The following ZNF385D variants were observed in gnomAD, a reference collection of about 807,000 sequenced individuals.
ZNF385D encodes the protein zinc finger protein 659.
Under a neutral mutation model 35.8 loss-of-function variants are expected in ZNF385D, and 15 were observed. That is an observed-to-expected ratio of 0.42 (90% CI 0.28 to 0.64). The LOEUF is 0.64. Among genes scored for constraint, ZNF385D ranks in the 30% least tolerant of loss-of-function variants. The pLI, the probability that ZNF385D is intolerant of heterozygous loss-of-function variation, is 0.23. For synonymous variants in ZNF385D, 212 were observed against 186.8 expected (o/e 1.13, Z -1.10); for missense variants, 474 against 494.6 (o/e 0.96, Z 0.39).
At chr3:22,038,532 C>A (rs982737818) in intron 3 of ZNF385D, among the ~76,000 whole-genome samples, 6 of 151,914 alleles carry the variant, frequency 3.9e-5, no homozygotes, top group African/African-American at 1.2e-4. Flanking sequence ...TTGTTGTCAT[C>A]ATTATCATTA....
At chr3:22,135,785 C>A (rs1338495467) in intron 3 of ZNF385D, among the ~76,000 whole-genome samples, 1 of 152,166 alleles carries the variant, frequency 6.6e-6, no homozygotes, top group East Asian at 1.9e-4. Context: ...AGTATAGACA[C>A]AGACCAATAT....
intron 3 of ZNF385D, among the ~76,000 whole-genome samples, chr3:21,859,559 T>C (rs558300605): frequency 5.3e-5 from 8 of 152,076 alleles, no homozygotes; most frequent in East Asian, 1.9e-4. Context: ...GAAAACAGCA[T>C]GTCTCATGCC....
intron 1 of ZNF385D, among the ~76,000 whole-genome samples, chr3:21,694,406 C>T (rs557036028): frequency 1.1e-4 from 16 of 152,184 alleles, no homozygotes; most frequent in African/African-American, 3.9e-4. Context: ...TTCTGGTACA[C>T]ACTCAAAAAG....
chr3:22,156,295 C>T (rs562108592), intron 3 of ZNF385D, among the ~76,000 whole-genome samples: 10 of 152,112 alleles, frequency 6.6e-5, no homozygotes, highest in Admixed American at 3.3e-4. Flanking sequence ...TATACATACT[C>T]GGACACTCTT....
At chr3:22,221,507 C>G (rs1576518559) in intron 2 of ZNF385D, among the ~76,000 whole-genome samples, 1 of 152,048 alleles carries the variant, frequency 6.6e-6, no homozygotes, top group South Asian at 2.1e-4. Flanking sequence ...GACTGAAAAT[C>G]TTCACTAATT....
chr3:21,889,237 T>C (rs1370367012), intron 3 of ZNF385D, among the ~76,000 whole-genome samples: 1 of 152,112 alleles, frequency 6.6e-6, no homozygotes, highest in East Asian at 1.9e-4. Context: ...TTCTCATGGA[T>C]CAGATGGAAC....
chr3:22,326,491 CA>C (rs1159508308), intron 2 of ZNF385D, among the ~76,000 whole-genome samples: 1 of 152,080 alleles, frequency 6.6e-6, no homozygotes, highest in African/African-American at 2.4e-5. Context: ...AAAGTGTTAT[CA>C]CTTTCAGGTA....
chr3:21,824,651 A>C (rs1234565474), intron 3 of ZNF385D, among the ~76,000 whole-genome samples: 1 of 152,186 alleles, frequency 6.6e-6, no homozygotes, highest in Non-Finnish European at 1.5e-5. Flanking sequence ...CTGATAAAGA[A>C]GGGTGATGAA....
chr3:21,954,123 A>C (rs1479957641), intron 3 of ZNF385D, among the ~76,000 whole-genome samples: 1 of 151,820 alleles, frequency 6.6e-6, no homozygotes, highest in Non-Finnish European at 1.5e-5. Flanking sequence ...GATACAACAT[A>C]TGTCCTCTAA....
chr3:22,354,902 G>C (rs550971814), intron 2 of ZNF385D, among the ~76,000 whole-genome samples: 6 of 152,082 alleles, frequency 3.9e-5, no homozygotes, highest in South Asian at 4.1e-4. Flanking sequence ...ATGCTCAATA[G>C]CCACGTGTCA....
chr3:22,023,020 C>T (rs1323113810), intron 3 of ZNF385D, among the ~76,000 whole-genome samples: 2 of 152,152 alleles, frequency 1.3e-5, no homozygotes, highest in African/African-American at 4.8e-5. Context: ...GTACACAGTT[C>T]TCTGTTCCTT....
At chr3:21,609,924 A>G (rs1051250439) in intron 2 of ZNF385D, among the ~76,000 whole-genome samples, 9 of 152,196 alleles carry the variant, frequency 5.9e-5, no homozygotes, top group African/African-American at 2.2e-4. Flanking sequence ...CTCCTTCTAT[A>G]TGTCCTTAGC....
rs144515924 is a variant in ZNF385D at position 21,979,986 on chromosome 3, A to T, written c.325+188831T>A. On this transcript the variant is annotated intron_variant, in intron 3 of 5. Coordinates refer to the ZNF385D transcript ENST00000494108. ...TCAGTGACTCATTTCAAAATATGGT[A>T]GGAGTGATGCTGCCTGACTTTCAAG... 6.4e-3 allele frequency among the ~76,000 whole-genome samples: 980 copies of T among 152,292 alleles called. 11 individuals carry two copies. Among genetic ancestry groups the T allele is most frequent in the African/African-American group, 0.022 (933 of 41,562 alleles).
At chr3:22,136,398 A>T (rs1383134842) in intron 3 of ZNF385D, among the ~76,000 whole-genome samples, 2 of 151,976 alleles carry the variant, frequency 1.3e-5, no homozygotes, top group African/African-American at 4.8e-5. Context: ...AAAAAAAAAA[A>T]AGTATCAACA....
chr3:21,468,285 C>T (rs1002155025), intron 4 of ZNF385D, among the ~76,000 whole-genome samples: 1 of 150,562 alleles, frequency 6.6e-6, no homozygotes, highest in Admixed American at 6.7e-5. Flanking sequence ...ACCTGTAGTC[C>T]CAGCTACTCG....
chr3:22,026,238 C>A (rs1297556043), intron 3 of ZNF385D, among the ~76,000 whole-genome samples: 2 of 152,176 alleles, frequency 1.3e-5, no homozygotes, highest in Non-Finnish European at 2.9e-5. Context: ...ATCATGGCCC[C>A]TCAATTTCAA....
chr3:21,503,034 C>T (rs1450978816), intron 4 of ZNF385D, among the ~76,000 whole-genome samples: 2 of 152,166 alleles, frequency 1.3e-5, no homozygotes, highest in African/African-American at 4.8e-5. Context: ...GGCATTTGTA[C>T]ACCACTGCAG....
intron 4 of ZNF385D, among the ~76,000 whole-genome samples, chr3:21,487,538 C>T (rs1016162078): frequency 1.7e-4 from 26 of 152,122 alleles, no homozygotes; most frequent in African/African-American, 6.3e-4. Flanking sequence ...CTTCCAAATG[C>T]AATCACACAC....
At chr3:22,013,612 A>G (rs1257547534) in intron 3 of ZNF385D, among the ~76,000 whole-genome samples, 1 of 152,168 alleles carries the variant, frequency 6.6e-6, no homozygotes, top group Admixed American at 6.5e-5. Context: ...CAAGTCGACC[A>G]CTAGGATTAG....
Sources: allele counts gnomAD v4.1 joint callset (sites outside exome capture counted in the v4.1 genomes callset), GRCh38; gene constraint gnomAD v4.1.1; transcripts MANE v1.5; gene names NCBI Gene and HGNC (gene_info 2026-07-23, HGNC 2026-07-21).